Variants in SLCO5A1 observed in about 807,000 individuals in gnomAD.
SLCO5A1 encodes the protein solute carrier organic anion transporter family member 5A1.
A neutral mutation model predicts 65.1 loss-of-function variants in SLCO5A1; 39 were observed. The ratio of observed to expected loss-of-function variants is 0.60; its 90% confidence interval spans 0.46 to 0.78. SLCO5A1 has a LOEUF of 0.78. Among genes scored for constraint, SLCO5A1 ranks in the 30% least tolerant of loss-of-function variants. The pLI, the probability that SLCO5A1 is intolerant of heterozygous loss-of-function variation, is 0.00. For missense variants in SLCO5A1, 1,029 were observed against 1,069.4 expected (o/e 0.96, Z 0.53); for synonymous variants, 438 against 415.7 (o/e 1.05, Z -0.65).
chr8:69,809,819 G>A (rs1820145350), intron 2 of SLCO5A1, among the ~76,000 whole-genome samples: 1 of 151,962 alleles, frequency 6.6e-6, no homozygotes, highest in Admixed American at 6.6e-5. Flanking sequence ...TTCTTTGCTA[G>A]GATGGGTGAG....
rs61733912 is a variant in SLCO5A1, at chr8:69,673,064, C to T, written c.2352G>A (p.Val784=). 18,437 of 1,614,208 alleles carry T rather than the reference C, an allele frequency of 0.011. 151 individuals are homozygous for T. The highest frequency in any genetic ancestry group is 0.013 in the Non-Finnish European group (15,598 of 1,180,042). Residue 784 remains valine, a synonymous_variant, in exon 10 of 10, where the codon GTG becomes GTA. Transcript: ENST00000260126. The part of the protein sequence containing the change: ...EFPLSTVSER[V]GHPDNARTRS... ...TAGTCCGGGCATTGTCGGGGTGTCCCACTCTCTCACTCACGGTGCTCAGGG... is the reference window on the plus strand; with the variant it reads ...TAGTCCGGGCATTGTCGGGGTGTCCTACTCTCTCACTCACGGTGCTCAGGG...
intron 2 of SLCO5A1, among the ~76,000 whole-genome samples, chr8:69,817,501 C>A (rs1820455258): frequency 6.6e-6 from 1 of 152,112 alleles, no homozygotes; most frequent in Non-Finnish European, 1.5e-5. Context: ...GGATCTATAC[C>A]AGAATTGGGA....
Position 69,824,497 on chromosome 8 carries a change from A to T in SLCO5A1, c.907+7270T>A, listed in dbSNP as rs1820783907. Among the ~76,000 whole-genome samples the T allele has an allele frequency of 6.6e-5, 10 of 152,256 alleles. No individual in the cohort carries two copies. The South Asian group carries it at 2.1e-3, about 32-fold the overall frequency. On this transcript the variant is annotated intron_variant, in intron 2 of 9. Coordinates refer to ENST00000260126, the MANE Select transcript of SLCO5A1 (RefSeq NM_030958.3). ...ACTACCATCAGAGAATACTACAAAC[A>T]CCTCTCCGCAAATAAACTAGAAAAT... is the stretch of plus-strand genomic sequence containing the variant.
intron 6 of SLCO5A1, among the ~76,000 whole-genome samples, chr8:69,695,109 T>C (rs183672292): frequency 1.3e-5 from 2 of 152,276 alleles, no homozygotes; most frequent in Non-Finnish European, 2.9e-5. Flanking sequence ...ATATACAAAG[T>C]GCTAGATTCT....
At chr8:69,741,032 C>T (rs1192614039) in intron 4 of SLCO5A1, among the ~76,000 whole-genome samples, 1 of 152,184 alleles carries the variant, frequency 6.6e-6, no homozygotes, top group Non-Finnish European at 1.5e-5. Context: ...GCACACATTC[C>T]CAGCTGAGGT....
rs142085897 is a variant in SLCO5A1 at position 69,679,361 on chromosome 8, T to C, written c.2024+17A>G. On this transcript the variant is annotated intron_variant, in intron 8 of 9. Coordinates refer to ENST00000260126, the MANE Select transcript of SLCO5A1 (RefSeq NM_030958.3). ...ATAAGTACAGAACCCACCCCAGAAG[T>C]TGAATGCTGTTCTCACCTGAGTGTT... 585 of 1,613,974 alleles carry C rather than the reference T, an allele frequency of 3.6e-4. No individual in the cohort carries two copies. In the African/African-American group the frequency reaches 5.4e-3, roughly 15 times the overall value.
At chr8:69,786,222 C>G (rs1819036767) in intron 2 of SLCO5A1, among the ~76,000 whole-genome samples, 3 of 152,176 alleles carry the variant, frequency 2.0e-5, no homozygotes, top group Admixed American at 2.0e-4. Context: ...ATCTCATACT[C>G]TCTTTAAGAG....
chr8:69,736,938 A>G (rs1390798179), intron 5 of SLCO5A1, among the ~76,000 whole-genome samples: 1 of 152,206 alleles, frequency 6.6e-6, no homozygotes, highest in African/African-American at 2.4e-5. Flanking sequence ...GAAGGTTTAG[A>G]TTTTCTCACA....
intron 6 of SLCO5A1, among the ~76,000 whole-genome samples, chr8:69,688,242 C>A (rs1814085309): frequency 1.3e-5 from 2 of 152,144 alleles, no homozygotes; most frequent in African/African-American, 4.8e-5. Context: ...TGTCTATGCT[C>A]TTTTAAGCAA....
At chr8:69,819,953 A>G (rs1820566457) in intron 2 of SLCO5A1, among the ~76,000 whole-genome samples, 1 of 152,024 alleles carries the variant, frequency 6.6e-6, no homozygotes, top group African/African-American at 2.4e-5. Flanking sequence ...GCAGAGCAAG[A>G]CTCCATCTCA....
chr8:69,704,325 A>G (rs1055561566), intron 6 of SLCO5A1, among the ~76,000 whole-genome samples: 5 of 152,216 alleles, frequency 3.3e-5, no homozygotes, highest in Non-Finnish European at 7.3e-5. Context: ...TAGGTTATTG[A>G]GAGGATTCAT....
intron 5 of SLCO5A1, among the ~76,000 whole-genome samples, chr8:69,707,786 G>A (rs915487271): frequency 6.6e-6 from 1 of 152,190 alleles, no homozygotes; most frequent in African/African-American, 2.4e-5. Context: ...TAAGGACAGG[G>A]AGAGAGGAAG....
intron 4 of SLCO5A1, among the ~76,000 whole-genome samples, chr8:69,754,938 G>A (rs1478503389): frequency 2.6e-5 from 4 of 152,008 alleles, no homozygotes; most frequent in Non-Finnish European, 5.9e-5. Flanking sequence ...ACTTATGTAG[G>A]CATCAAACCA....
chr8:69,688,945 G>C (rs1171989015), intron 6 of SLCO5A1, among the ~76,000 whole-genome samples: 2 of 151,914 alleles, frequency 1.3e-5, no homozygotes, highest in Non-Finnish European at 2.9e-5. Context: ...CTAGTTTACA[G>C]TCCCACCAAC....
intron 5 of SLCO5A1, among the ~76,000 whole-genome samples, chr8:69,712,431 G>A (rs570796650): frequency 3.3e-5 from 5 of 152,004 alleles, no homozygotes; most frequent in South Asian, 2.1e-4. Flanking sequence ...TTCCTCTTTC[G>A]CTCCAATTTT....
chr8:69,778,700 GT>G (rs1367637272), intron 2 of SLCO5A1, among the ~76,000 whole-genome samples: 2 of 152,126 alleles, frequency 1.3e-5, no homozygotes, highest in Admixed American at 1.3e-4. Flanking sequence ...TGCTATCTTT[GT>G]GTAAAGTTAG....
At chr8:69,691,971 G>A (rs183056243) in intron 6 of SLCO5A1, among the ~76,000 whole-genome samples, 129 of 152,262 alleles carry the variant, frequency 8.5e-4, no homozygotes, top group Admixed American at 3.5e-3. Context: ...GTATAAGGCC[G>A]GACGCGGTGG....
chr8:69,777,864 A>G (rs145452676), intron 2 of SLCO5A1, among the ~76,000 whole-genome samples: 17 of 152,176 alleles, frequency 1.1e-4, no homozygotes, highest in Non-Finnish European at 2.4e-4. Context: ...TAGAAGGTCA[A>G]CTCCACAACT....
At position 69,668,607 on chromosome 8, in the gene SLCO5A1, G is replaced by C. The variant is rs1414965068; in HGVS notation, c.*4262C>G. ...CTAGGGAATTCCCATCAATGCTTCA[G>C]CTCCATCCAAACTCTAAAGTTTCTC... is the stretch of plus-strand genomic sequence containing the variant. On this transcript the variant is annotated 3_prime_UTR_variant, in exon 10 of 10. Coordinates refer to ENST00000260126, the MANE Select transcript of SLCO5A1 (RefSeq NM_030958.3). 2.6e-5 allele frequency: 4 copies of C among 152,196 alleles called. No homozygotes were observed. The highest frequency in any genetic ancestry group is 5.9e-5 in the Non-Finnish European group (4 of 68,048). The allele number at this position is 152,196 out of a possible 1,614,324, so 9.4% of individuals were successfully genotyped here. A position where few individuals can be genotyped will look rare whatever the true frequency, so the allele number is the denominator to read the frequency against.
Sources: allele counts gnomAD v4.1 joint callset (sites outside exome capture counted in the v4.1 genomes callset), GRCh38; gene constraint gnomAD v4.1.1; transcripts MANE v1.5; gene names NCBI Gene and HGNC (gene_info 2026-07-23, HGNC 2026-07-21).